The following PLEKHG7 variants were observed in gnomAD, a reference collection of about 807,000 sequenced individuals.
The protein encoded by PLEKHG7 is pleckstrin homology domain-containing family G member 7.
In PLEKHG7, 77 loss-of-function variants were observed where a neutral mutation model predicts 85.2. The observed-to-expected ratio is 0.90, with a 90% CI of 0.75 to 1.09. PLEKHG7 has a LOEUF of 1.09. Among genes scored for constraint, PLEKHG7 ranks in the 50% least tolerant of loss-of-function variants. The pLI is 0.00. For missense variants in PLEKHG7, 777 were observed against 804.3 expected, an observed-to-expected ratio of 0.97 and a Z score of 0.41; for synonymous variants, 301 against 302.4, an observed-to-expected ratio of 1.00 and a Z score of 0.05.
chr12:92,767,687 A>C (rs1409583657), intron 15 of PLEKHG7, among the ~76,000 whole-genome samples: 4 of 152,190 alleles, frequency 2.6e-5, no homozygotes, highest in Non-Finnish European at 5.9e-5. Flanking sequence ...TAAGAAAATA[A>C]GTATTGTATT....
chr12:92,757,463 T>C (rs1400155071), intron 13 of PLEKHG7, among the ~76,000 whole-genome samples: 1 of 152,176 alleles, frequency 6.6e-6, no homozygotes, highest in African/African-American at 2.4e-5. Flanking sequence ...AATCCCTTAA[T>C]ACATGTATAT....
chr12:92,707,027 T>C lies in PLEKHG7; in HGVS notation c.396T>C (p.Tyr132=), dbSNP rs1466879731. ...LEPQTRPTDK[Y]LPPELQPVNE... is the part of the protein sequence containing the mutation. ...CCCAAACCCGGCCCACTGACAAGTATCTCCCTCCTGAGCTTCAGCCTGTCA... is the reference window on the plus strand; with the variant it reads ...CCCAAACCCGGCCCACTGACAAGTACCTCCCTCCTGAGCTTCAGCCTGTCA... Residue 132 remains tyrosine, a synonymous_variant, in exon 2 of 17, where the codon TAT becomes TAC. Coordinates refer to ENST00000344636, the MANE Select transcript of PLEKHG7 (RefSeq NM_001377329.1). 6.2e-7 allele frequency: 1 copy of C among 1,613,644 alleles called. No individual in the cohort carries two copies. The highest frequency in any genetic ancestry group is 1.1e-5 in the South Asian group (1 of 91,054).
intron 3 of PLEKHG7, among the ~76,000 whole-genome samples, chr12:92,719,496 G>T (rs1209700212): frequency 2.6e-5 from 4 of 152,176 alleles, no homozygotes; most frequent in African/African-American, 9.7e-5. Flanking sequence ...GATGAATAGG[G>T]CCTGATAAGG....
intron 3 of PLEKHG7, among the ~76,000 whole-genome samples, chr12:92,711,785 C>T (rs1871372111): frequency 6.6e-6 from 1 of 152,186 alleles, no homozygotes; most frequent in South Asian, 2.1e-4. Context: ...TCATATGGCC[C>T]AAGTGGCAGA....
intron 14 of PLEKHG7, 39 bp downstream of exon 14, chr12:92,761,870 TTTGCTAAATGAG>T: frequency 1.3e-6 from 2 of 1,522,218 alleles, no homozygotes; most frequent in Non-Finnish European, 1.7e-6. Context: ...TCTAAACAAG[TTTGCTAAATGAG>T]TTTAGAAATA....
At chr12:92,761,722 C>G (rs765169200) in intron 13 of PLEKHG7, 30 bp from the exon 14 acceptor site, 1 of 1,539,148 alleles carries the variant, frequency 6.5e-7, no homozygotes, top group South Asian at 1.3e-5. Flanking sequence ...AGTTTCAGGT[C>G]CCCATTTCAG....
At position 92,736,528 on chromosome 12, in the gene PLEKHG7, C is replaced by T. The variant is rs374119571; in HGVS notation, c.746C>T (p.Ser249Phe). The change falls in exon 6 of 17, where the codon TCC becomes TTC. Residue 249 changes from serine (S) to phenylalanine (F), a missense_variant. By Grantham distance (155) the Ser-to-Phe change is radical. Around this residue, in one of 3 missense-constraint regions of PLEKHG7, gnomAD observed 520 missense variants for 544.0 expected, o/e 0.96. Coordinates refer to ENST00000344636, the MANE Select transcript of PLEKHG7 (RefSeq NM_001377329.1). ...KHISDLENCL[S>F]SVKITSFRGY... ...ATATCTGATCTGGAAAACTGCCTGT[C>T]CTCTGTGAAAATTACCAGCTTCAGG... 1,211 of 1,231,956 alleles carry T rather than the reference C, an allele frequency of 9.8e-4. No homozygotes were observed. Among genetic ancestry groups the T allele is most frequent in the Middle Eastern group, 6.9e-3 (22 of 3,204 alleles). 76.3% of individuals were successfully genotyped at this position (1,231,956 alleles called of 1,614,324 possible). A position where few individuals can be genotyped will look rare whatever the true frequency, so the allele number is the denominator to read the frequency against.
At chr12:92,713,552 G>C (rs371103953) in intron 3 of PLEKHG7, among the ~76,000 whole-genome samples, 79 of 152,222 alleles carry the variant, frequency 5.2e-4, no homozygotes, top group Non-Finnish European at 9.9e-4. Flanking sequence ...TTTTGTAGTT[G>C]AGTGACTGCA....
intron 7 of PLEKHG7, 88 bp downstream of exon 7, chr12:92,737,609 A>G (rs1030319902): frequency 7.6e-6 from 10 of 1,308,932 alleles, no homozygotes; most frequent in East Asian, 2.4e-5. Flanking sequence ...AGAAATAAAG[A>G]AAAGAAAGAG....
At chr12:92,706,139 A>G (rs1315573097) in intron 1 of PLEKHG7, among the ~76,000 whole-genome samples, 1 of 152,210 alleles carries the variant, frequency 6.6e-6, no homozygotes, top group African/African-American at 2.4e-5. Context: ...GATTTAATGT[A>G]TATTTGATTC....
intron 9 of PLEKHG7, among the ~76,000 whole-genome samples, chr12:92,743,040 C>A (rs796148292): frequency 3.3e-5 from 5 of 152,280 alleles, no homozygotes; most frequent in African/African-American, 1.2e-4. Context: ...ATAAAAACTT[C>A]TCCTAAATGT....
intron 5 of PLEKHG7, among the ~76,000 whole-genome samples, chr12:92,732,863 G>C (rs1348699047): frequency 1.3e-5 from 2 of 152,264 alleles, no homozygotes; most frequent in Admixed American, 1.3e-4. Flanking sequence ...TGGGAAGAGG[G>C]AGGGAATGTT....
intron 13 of PLEKHG7, among the ~76,000 whole-genome samples, chr12:92,759,277 C>G (rs571791415): frequency 1.3e-5 from 2 of 152,262 alleles, no homozygotes; most frequent in East Asian, 3.9e-4. Flanking sequence ...TCTAGAATAA[C>G]ATCTGGAATA....
At chr12:92,759,257 T>C (rs1872919906) in intron 13 of PLEKHG7, among the ~76,000 whole-genome samples, 1 of 152,244 alleles carries the variant, frequency 6.6e-6, no homozygotes. Context: ...GAATAATGTC[T>C]GTAACATTAT....
chr12:92,730,517 TGTG>T lies in PLEKHG7; in HGVS notation c.658+1412_658+1414del, dbSNP rs1231450188. Among the ~76,000 whole-genome samples, 5 of 152,298 alleles carry T rather than the reference TGTG, an allele frequency of 3.3e-5. No individual in the cohort carries two copies. The East Asian group carries it at 7.7e-4, about 24-fold the overall frequency. On this transcript the variant is annotated intron_variant, in intron 4 of 16. Transcript: ENST00000344636. The stretch of plus-strand genomic sequence containing the variant: ...CAGTCTGTTAGTCCATTTTGTTTGT[TGTG>T]GTGGTGGTGGTGGTTGTTGTTTGAG...
At position 92,771,161 on chromosome 12, in the gene PLEKHG7, G is replaced by A. The variant is rs887118866; in HGVS notation, c.*966G>A. 2 of 152,030 alleles carry A rather than the reference G, an allele frequency of 1.3e-5. No homozygotes were observed. The highest frequency in any genetic ancestry group is 2.9e-5 in the Non-Finnish European group (2 of 67,972). 9.4% of individuals were successfully genotyped at this position (152,030 alleles called of 1,614,324 possible). A position where few individuals can be genotyped will look rare whatever the true frequency, so the allele number is the denominator to read the frequency against. On this transcript the variant is annotated 3_prime_UTR_variant, in exon 17 of 17. Coordinates refer to ENST00000344636, the MANE Select transcript of PLEKHG7 (RefSeq NM_001377329.1). ...TACATTCAAGGAACTAGTTCTTAGG[G>A]TCAGATTATTGCATCAAAGGGAAGT...
chr12:92,714,254 G>A (rs1871422910), intron 3 of PLEKHG7, among the ~76,000 whole-genome samples: 2 of 152,186 alleles, frequency 1.3e-5, no homozygotes, highest in South Asian at 4.1e-4. Flanking sequence ...AGACAAAGGT[G>A]GAAAGGCTGA....
At chr12:92,736,369 T>G (rs1011661298) in intron 5 of PLEKHG7, 113 bp from the exon 6 acceptor site, 1 of 595,418 alleles carries the variant, frequency 1.7e-6, no homozygotes, top group African/African-American at 1.9e-5. Flanking sequence ...AGACAAAATA[T>G]GCCATCTCTT....
intron 13 of PLEKHG7, among the ~76,000 whole-genome samples, chr12:92,760,543 A>G (rs1297395365): frequency 6.6e-6 from 1 of 152,128 alleles, no homozygotes; most frequent in African/African-American, 2.4e-5. Context: ...TCTAAATAGA[A>G]CAAGCTGAAA....
Sources: gnomAD v4.1 joint callset for allele counts (sites outside exome capture counted in the v4.1 genomes callset) on GRCh38, gnomAD v4.1.1 for gene constraint, gnomAD v4.1.1 regional missense constraint, MANE v1.5 for transcripts, NCBI Gene and HGNC (gene_info 2026-07-23, HGNC 2026-07-21) for gene names.